FSD1L: variants seen among roughly 807,000 people sequenced by gnomAD.
The protein encoded by FSD1L is FSD1-like protein.
Under a neutral mutation model 71.6 loss-of-function variants are expected in FSD1L, and 45 were observed. The ratio of observed to expected loss-of-function variants is 0.63; its 90% CI spans 0.49 to 0.81. The LOEUF is 0.81. Among genes scored for constraint, FSD1L ranks in the 30% least tolerant of loss-of-function variants. The probability of loss-of-function intolerance (pLI) is 0.00; values close to 1 mark genes in which losing one functional copy is unlikely to be tolerated. For missense variants in FSD1L, 561 were observed against 618.1 expected (o/e 0.91, Z 0.98); for synonymous variants, 197 against 207.2 (o/e 0.95, Z 0.42).
intron 9 of FSD1L, among the ~76,000 whole-genome samples, chr9:105,509,761 G>A (rs1017026628): frequency 1.3e-5 from 2 of 152,212 alleles, no homozygotes; most frequent in Admixed American, 1.3e-4. Flanking sequence ...ATTAGCAGAT[G>A]TTTCTATTTG....
intron 6 of FSD1L, among the ~76,000 whole-genome samples, chr9:105,483,243 T>C (rs1241655890): frequency 1.3e-5 from 2 of 152,204 alleles, no homozygotes; most frequent in East Asian, 3.8e-4. Context: ...AAATTATTAC[T>C]AGTTTTAAAA....
intron 4 of FSD1L, among the ~76,000 whole-genome samples, chr9:105,471,029 C>G (rs1162295761): frequency 2.0e-5 from 3 of 152,110 alleles, no homozygotes; most frequent in African/African-American, 4.8e-5. Context: ...TTTTCCCTCC[C>G]TGTACTTTTT....
intron 13 of FSD1L, among the ~76,000 whole-genome samples, chr9:105,541,333 G>A (rs1177248066): frequency 2.1e-5 from 3 of 143,032 alleles, no homozygotes; most frequent in South Asian, 2.2e-4. Context: ...GCCATATTAC[G>A]CATTTTTGGC....
intron 7 of FSD1L, among the ~76,000 whole-genome samples, chr9:105,494,400 G>T (rs993551063): frequency 5.9e-5 from 9 of 151,942 alleles, no homozygotes; most frequent in East Asian, 1.9e-4. Flanking sequence ...TTATACATTC[G>T]TCTAAATTTT....
intron 10 of FSD1L, chr9:105,520,638 G>T: frequency 6.2e-7 from 1 of 1,610,040 alleles, no homozygotes; most frequent in East Asian, 2.2e-5. Context: ...GCGGGAAGGT[G>T]TTCGTCTTTT....
upstream of FSD1L, chr9:105,447,942 G>T (rs928129173): frequency 1.9e-6 from 1 of 520,632 alleles, no homozygotes; most frequent in Non-Finnish European, 3.4e-6. Context: ...GACGGGCGGC[G>T]CTCCCCACCC....
rs1441984004 is a variant in FSD1L at position 105,475,539 on chromosome 9, T to A, written c.441+3534T>A. 2.6e-5 allele frequency among the ~76,000 whole-genome samples: 4 copies of A among 152,162 alleles called. No homozygotes were observed. The East Asian group carries it at 7.7e-4, about 29-fold the overall frequency. On this transcript the variant is annotated intron_variant, in intron 5 of 13. Coordinates refer to ENST00000481272, the MANE Select transcript of FSD1L (RefSeq NM_001145313.3). ...ACTGCCAGAAGCTCCCTCTGTAGGC[T>A]GAAGTTAAGAATGTTAGGAGAGAGG...
intron 5 of FSD1L, among the ~76,000 whole-genome samples, chr9:105,476,653 C>T (rs948640789): frequency 1.3e-5 from 2 of 152,116 alleles, no homozygotes; most frequent in Admixed American, 1.3e-4. Context: ...CTATTGAAAT[C>T]CTTTCTGCCA....
At chr9:105,521,305 A>G (rs922297751) in intron 10 of FSD1L, 23 of 1,614,106 alleles carry the variant, frequency 1.4e-5, no homozygotes, top group Non-Finnish European at 1.9e-5. Context: ...GAAAGCAAAA[A>G]TGATAATGCT....
Position 105,464,853 on chromosome 9 carries a change from A to G in FSD1L, c.207+522A>G, listed in dbSNP as rs570061896. ...AAATTAGCTGGGTGTGGTGGCATAC[A>G]CATGTCATCCCAGCTACCCAGGAGG... On this transcript the variant is annotated intron_variant, in intron 3 of 13. Transcript: ENST00000481272. 1.4e-4 allele frequency among the ~76,000 whole-genome samples: 22 copies of G among 151,984 alleles called. No homozygotes were observed. In the South Asian group the frequency reaches 4.4e-3, roughly 30 times the overall value.
At chr9:105,447,152 AG>A (rs1829677805), upstream of FSD1L, among the ~76,000 whole-genome samples, 1 of 151,704 alleles carries the variant, frequency 6.6e-6, no homozygotes, top group Non-Finnish European at 1.5e-5. Flanking sequence ...GGCTAGAACC[AG>A]TCTCCGCTAA....
intron 10 of FSD1L, chr9:105,524,508 G>A (rs1468266630): frequency 4.3e-6 from 7 of 1,613,646 alleles, no homozygotes; most frequent in African/African-American, 4.0e-5. Context: ...AGCAGAAAGC[G>A]ATAAAACAGA....
At chr9:105,465,593 T>C (rs1831004685) in intron 3 of FSD1L, among the ~76,000 whole-genome samples, 1 of 152,142 alleles carries the variant, frequency 6.6e-6, no homozygotes, top group South Asian at 2.1e-4. Flanking sequence ...GATGCAAGGA[T>C]GGTTCAACAG....
At chr9:105,509,760 T>A (rs1250621891) in intron 9 of FSD1L, among the ~76,000 whole-genome samples, 2 of 152,258 alleles carry the variant, frequency 1.3e-5, no homozygotes, top group Admixed American at 1.3e-4. Context: ...GATTAGCAGA[T>A]GTTTCTATTT....
intron 10 of FSD1L, chr9:105,525,330 A>C: frequency 6.3e-7 from 1 of 1,599,006 alleles, no homozygotes; most frequent in Non-Finnish European, 8.5e-7. Flanking sequence ...CTAGTCCTGA[A>C]TGCTTACAGA....
At chr9:105,517,725 A>G (rs183787427) in intron 10 of FSD1L, among the ~76,000 whole-genome samples, 49 of 152,334 alleles carry the variant, frequency 3.2e-4, no homozygotes, top group African/African-American at 9.9e-4. Flanking sequence ...TGTAAAGACT[A>G]TCGACACTAT....
chr9:105,487,691 G>A (rs559204976), intron 7 of FSD1L, among the ~76,000 whole-genome samples: 3 of 152,096 alleles, frequency 2.0e-5, no homozygotes, highest in Non-Finnish European at 2.9e-5. Context: ...TCATTTGCCT[G>A]TTGAATTTAT....
rs1428609612 is a variant in FSD1L at position 105,448,076 on chromosome 9, C to G, written c.-145C>G. 1.3e-5 allele frequency: 12 copies of G among 921,292 alleles called. No individual in the cohort carries two copies. The highest frequency in any genetic ancestry group is 1.7e-6 in the Non-Finnish European group (1 of 593,276). 57.1% of individuals were successfully genotyped at this position (921,292 alleles called of 1,614,324 possible). On this transcript the variant is annotated 5_prime_UTR_variant, in exon 1 of 14. Transcript: ENST00000481272. ...GCGGCGTGACTACGGCGCGCGCGGTCTGGGCGCGGACGGGTGGGGCCGGGC... is the reference window on the plus strand; with the variant it reads ...GCGGCGTGACTACGGCGCGCGCGGTGTGGGCGCGGACGGGTGGGGCCGGGC...
At chr9:105,537,314 A>G (rs1270223923) in intron 12 of FSD1L, among the ~76,000 whole-genome samples, 3 of 152,216 alleles carry the variant, frequency 2.0e-5, no homozygotes, top group South Asian at 4.1e-4. Context: ...AGAAAAAGTA[A>G]TTTTGGCTTG....
Sources: gnomAD v4.1 joint callset for allele counts (sites outside exome capture counted in the v4.1 genomes callset) on GRCh38, gnomAD v4.1.1 for gene constraint, MANE v1.5 for transcripts, NCBI Gene and HGNC (gene_info 2026-07-23, HGNC 2026-07-21) for gene names.